ADGRV1: variants seen among roughly 807,000 people sequenced by gnomAD.
The protein encoded by ADGRV1 is G-protein coupled receptor 98.
Under a neutral mutation model 596.2 loss-of-function variants are expected in ADGRV1, and 359 were observed. The ratio of observed to expected loss-of-function variants is 0.60; its 90% CI spans 0.55 to 0.66. ADGRV1 has a LOEUF of 0.66. ADGRV1 is among the 30% of genes least tolerant of loss of function. The pLI is 0.00. For missense variants in ADGRV1, 7,274 were observed against 7,575.6 expected, an observed-to-expected ratio of 0.96 and a Z score of 1.48; for synonymous variants, 2,681 against 2,679.2, an observed-to-expected ratio of 1.00 and a Z score of -0.02.
intron 83 of ADGRV1, among the ~76,000 whole-genome samples, chr5:90,925,209 A>G: frequency 6.6e-6 from 1 of 151,932 alleles, no homozygotes; most frequent in Non-Finnish European, 1.5e-5. Flanking sequence ...TGAATCTGTA[A>G]GTTACCTTGG....
chr5:90,823,414 C>T lies in ADGRV1; in HGVS notation c.16197-11C>T, dbSNP rs1228666554. On this transcript the variant is annotated splice_polypyrimidine_tract_variant and intron_variant, in intron 75 of 89. Coordinates refer to ENST00000405460, the MANE Select transcript of ADGRV1 (RefSeq NM_032119.4). Reference sequence around the variant, plus strand: ...CCTCTGTTAAGGCATTGGTGGGTTTCTTGCTCACAGGGCCTTTGAAGATGT... The same window carrying T: ...CCTCTGTTAAGGCATTGGTGGGTTTTTTGCTCACAGGGCCTTTGAAGATGT... The T allele has an allele frequency of 1.2e-6, 2 of 1,612,560 alleles. No individual in the cohort carries two copies. Among genetic ancestry groups the T allele is most frequent in the Admixed American group, 3.3e-5 (2 of 59,714 alleles).
rs550775020 is a variant in ADGRV1, at chr5:91,018,932, C to G, written c.18152+33410C>G. On this transcript the variant is annotated intron_variant, in intron 85 of 89. Transcript: ENST00000405460. Reference sequence around the variant, plus strand: ...GGTGTTGAGCCGGTGTTATAGAAATCGGTCATTTCATCACTGTAAGATGCC... The same window carrying G: ...GGTGTTGAGCCGGTGTTATAGAAATGGGTCATTTCATCACTGTAAGATGCC... Among the ~76,000 whole-genome samples, 25 of 152,016 alleles carry G rather than the reference C, an allele frequency of 1.6e-4. No individual in the cohort carries two copies. The South Asian group carries it at 2.9e-3, about 18-fold the overall frequency.
intron 82 of ADGRV1, among the ~76,000 whole-genome samples, chr5:90,859,923 T>TA (rs575648968): frequency 0.21 from 24,440 of 117,422 alleles, 2,406 homozygotes; most frequent in Non-Finnish European, 0.26. Context: ...GTACAAAAAG[T>TA]AAAAAAAAAA....
At chr5:90,802,490 C>G (rs1020175872) in intron 70 of ADGRV1, among the ~76,000 whole-genome samples, 1 of 152,142 alleles carries the variant, frequency 6.6e-6, no homozygotes, top group African/African-American at 2.4e-5. Flanking sequence ...CTGGGCCTCC[C>G]AAAGTGCTGG....
chr5:90,786,963 G>A (rs1049985498), intron 67 of ADGRV1, among the ~76,000 whole-genome samples: 19 of 152,124 alleles, frequency 1.2e-4, no homozygotes, highest in African/African-American at 4.3e-4. Flanking sequence ...GTTTGAACAC[G>A]TGGGGCCTAA....
Position 90,706,369 on chromosome 5 carries a change from C to A in ADGRV1, c.8705C>A (p.Ala2902Glu), listed in dbSNP as rs1282870771. 1 of 1,607,030 alleles carries A rather than the reference C, an allele frequency of 6.2e-7. No individual in the cohort carries two copies. The highest frequency in any genetic ancestry group is 1.7e-5 in the Admixed American group (1 of 59,242). The change falls in exon 38 of 90, where the codon GCA becomes GAA. Residue 2902 changes from alanine (A) to glutamate (E), a missense_variant. This residue lies in a region of ADGRV1 where 3,643 missense variants were observed against 3,809.2 expected (regional missense o/e 0.96). Transcript: ENST00000405460. ...FLILEEGETA[A>E]AINITILEDD... ...ATTTTAGAAGAAGGGGAAACAGCAG[C>A]AGCCATCAACATTACCATTCTTGAG...
intron 85 of ADGRV1, among the ~76,000 whole-genome samples, chr5:91,043,438 C>G (rs1785532853): frequency 6.6e-6 from 1 of 152,036 alleles, no homozygotes; most frequent in African/African-American, 2.4e-5. Context: ...GCTCAGTGCC[C>G]AGCCCCAGCA....
intron 43 of ADGRV1, chr5:90,718,454 C>T (rs1705179172): frequency 6.6e-6 from 1 of 151,968 alleles, no homozygotes; most frequent in Non-Finnish European, 1.5e-5. Context: ...AATAAAATAG[C>T]TGATTATGTT....
intron 68 of ADGRV1, among the ~76,000 whole-genome samples, chr5:90,789,035 G>A (rs1331477946): frequency 6.6e-6 from 1 of 152,100 alleles, no homozygotes; most frequent in Non-Finnish European, 1.5e-5. Flanking sequence ...CAGTTTTGTG[G>A]AGCAGAGCAG....
chr5:90,669,869 A>T (rs573736154), intron 21 of ADGRV1, among the ~76,000 whole-genome samples: 4 of 152,318 alleles, frequency 2.6e-5, no homozygotes, highest in East Asian at 3.9e-4. Flanking sequence ...TATATTATCA[A>T]TTGCATTGGA....
In ADGRV1 at chr5:90,665,773, A is replaced by G. The variant is rs1445021310; in HGVS notation, c.4753-6773A>G. Among the ~76,000 whole-genome samples the G allele has an allele frequency of 8.0e-5, 12 of 149,968 alleles. No homozygotes were observed. The East Asian group carries it at 2.0e-3, about 25-fold the overall frequency. On this transcript the variant is annotated intron_variant, in intron 21 of 89. Coordinates refer to ENST00000405460, the MANE Select transcript of ADGRV1 (RefSeq NM_032119.4). ...TTTAGTGCTATAAATTTCCCTCTACACACTGCTTTGAATGCGTCCCAGAGA... is the reference window on the plus strand; with the variant it reads ...TTTAGTGCTATAAATTTCCCTCTACGCACTGCTTTGAATGCGTCCCAGAGA...
chr5:90,977,058 G>C (rs113438232), intron 84 of ADGRV1, among the ~76,000 whole-genome samples: 1,682 of 152,250 alleles, frequency 0.011, 37 homozygotes, highest in African/African-American at 0.039. Flanking sequence ...CTTAGTGCCA[G>C]AGCATAGCAA....
intron 59 of ADGRV1, among the ~76,000 whole-genome samples, chr5:90,771,929 C>T (rs1757732971): frequency 6.6e-6 from 1 of 152,078 alleles, no homozygotes; most frequent in Non-Finnish European, 1.5e-5. Flanking sequence ...TATGAAACTT[C>T]CCCATCACCT....
chr5:91,081,400 AT>A (rs1286219036), intron 86 of ADGRV1, among the ~76,000 whole-genome samples: 1 of 152,132 alleles, frequency 6.6e-6, no homozygotes, highest in Non-Finnish European at 1.5e-5. Flanking sequence ...ATTCTTGTCT[AT>A]CCCCATTCCA....
At chr5:90,678,056 A>G (rs539936901) in intron 25 of ADGRV1, among the ~76,000 whole-genome samples, 14 of 152,324 alleles carry the variant, frequency 9.2e-5, no homozygotes, top group South Asian at 2.1e-4. Flanking sequence ...ACTTCTGGAT[A>G]ATGTGGGAGC....
At chr5:90,670,533 G>A (rs1772307433) in intron 21 of ADGRV1, among the ~76,000 whole-genome samples, 1 of 152,120 alleles carries the variant, frequency 6.6e-6, no homozygotes, top group South Asian at 2.1e-4. Flanking sequence ...GTATGAGGGG[G>A]TGTTTCCCAA....
chr5:90,686,360 C>A (rs940494387), intron 29 of ADGRV1, among the ~76,000 whole-genome samples: 21 of 152,090 alleles, frequency 1.4e-4, no homozygotes, highest in Non-Finnish European at 2.9e-5. Flanking sequence ...GCTATCCCTC[C>A]CCGCTCCCCA....
In ADGRV1 at chr5:90,635,070, A is replaced by G. The variant is rs770648016; in HGVS notation, c.1840-44A>G. ...TGTTAAGCTTTTTTAAAAAATTTAT[A>G]TTCTATCAATTCTTACTACTTTTTG... On this transcript the variant is annotated intron_variant, in intron 9 of 89. Transcript: ENST00000405460. 4.2e-5 allele frequency: 55 copies of G among 1,302,728 alleles called. 1 individual carries two copies. The Admixed American group carries it at 1.0e-3, about 25-fold the overall frequency. 80.7% of individuals were successfully genotyped at this position (1,302,728 alleles called of 1,614,324 possible). A position where few individuals can be genotyped will look rare whatever the true frequency, so the allele number is the denominator to read the frequency against.
rs1294773650 is a variant in ADGRV1 at position 90,653,415 on chromosome 5, G to A, written c.3841G>A (p.Val1281Ile). The change falls in exon 20 of 90, where the codon GTA becomes ATA. Residue 1281 changes from valine (V) to isoleucine (I), a missense_variant. Val to Ile is a conservative substitution (Grantham distance 29, BLOSUM62 3). Transcript: ENST00000405460. ...GAGGCAGCAGGGTGTGTTTGGTGAT[G>A]TACAACTGGGCTGGGAAATACTGTC... ...ILRQQGVFGD[V>I]QLGWEILSSE... 16 of 1,613,956 alleles carry A rather than the reference G, an allele frequency of 9.9e-6. No individual in the cohort carries two copies. Among genetic ancestry groups the A allele is most frequent in the Non-Finnish European group, 1.3e-5 (15 of 1,179,886 alleles).
Sources: allele counts gnomAD v4.1 joint callset (sites outside exome capture counted in the v4.1 genomes callset), GRCh38; gene constraint gnomAD v4.1.1; regional missense constraint gnomAD v4.1.1; transcripts MANE v1.5; gene names NCBI Gene and HGNC (gene_info 2026-07-23, HGNC 2026-07-21).